The following TRIM2 variants were observed in gnomAD, a reference collection of about 807,000 sequenced individuals.
TRIM2 encodes the protein tripartite motif-containing protein 2.
TRIM2 carries 20 observed loss-of-function variants against 75.2 expected under a neutral mutation model. That is an observed-to-expected ratio of 0.27 (90% CI 0.19 to 0.39). The LOEUF (loss-of-function observed/expected upper bound fraction) is 0.39, where lower values mean the gene tolerates loss of function less well. Among genes scored for constraint, TRIM2 ranks in the 10% least tolerant of loss-of-function variants. The probability of loss-of-function intolerance (pLI) is 1.00; values close to 1 mark genes in which losing one functional copy is unlikely to be tolerated. For missense variants in TRIM2, 660 were observed against 990.8 expected (o/e 0.67, Z 4.48); for synonymous variants, 373 against 388.3 (o/e 0.96, Z 0.46).
intron 1 of TRIM2, among the ~76,000 whole-genome samples, chr4:153,189,071 G>A (rs530488810): frequency 1.6e-3 from 239 of 151,742 alleles, no homozygotes; most frequent in African/African-American, 5.4e-3. Flanking sequence ...GACTGTTCTC[G>A]AACTCCTGGG....
intron 1 of TRIM2, among the ~76,000 whole-genome samples, chr4:153,185,671 CA>C (rs1732526089): frequency 6.6e-6 from 1 of 152,174 alleles, no homozygotes; most frequent in African/African-American, 2.4e-5. Flanking sequence ...TCCACGTAAG[CA>C]GTAGGAACCC....
Position 153,295,209 on chromosome 4 carries a change from T to G in TRIM2, c.787-104T>G. The G allele has an allele frequency of 1.4e-6, 2 of 1,421,052 alleles. No homozygotes were observed. The highest frequency in any genetic ancestry group is 1.9e-6 in the Non-Finnish European group (2 of 1,079,130). The allele number at this position is 1,421,052 out of a possible 1,614,324, so 88.0% of individuals were successfully genotyped here. A position where few individuals can be genotyped will look rare whatever the true frequency, so the allele number is the denominator to read the frequency against. The stretch of plus-strand genomic sequence containing the variant: ...CAAACACCGCTTGCTCAGAGCCACC[T>G]GCGTGGGCAGGTGTAGAGTCTCCTT... On this transcript the variant is annotated intron_variant, in intron 5 of 11. Coordinates refer to ENST00000338700, the MANE Select transcript of TRIM2 (RefSeq NM_015271.5). This position sits in a 1 kb window ranked among gnomAD's most constrained non-coding sequence, Gnocchi z 7.2.
intron 1 of TRIM2, among the ~76,000 whole-genome samples, chr4:153,177,282 T>C (rs1731541714): frequency 1.3e-5 from 2 of 152,172 alleles, no homozygotes; most frequent in South Asian, 4.1e-4. Context: ...TTGGCAAAAA[T>C]ATAGTCTCAT....
At chr4:153,278,028 G>A (rs767038547) in intron 3 of TRIM2, among the ~76,000 whole-genome samples, 1 of 152,166 alleles carries the variant, frequency 6.6e-6, no homozygotes, top group African/African-American at 2.4e-5. Flanking sequence ...CTTAAAATGA[G>A]GCTCTCTGGA....
At chr4:153,206,207 A>T (rs1735389283) in intron 1 of TRIM2, among the ~76,000 whole-genome samples, 1 of 152,226 alleles carries the variant, frequency 6.6e-6, no homozygotes, top group South Asian at 2.1e-4. Flanking sequence ...CAGTCCTACC[A>T]GGCTGCCCCG....
At chr4:153,312,193 CT>C (rs2150226193) in intron 6 of TRIM2, among the ~76,000 whole-genome samples, 1 of 150,910 alleles carries the variant, frequency 6.6e-6, no homozygotes, top group African/African-American at 2.4e-5. Context: ...CGATAGTTTA[CT>C]GAGAATGATG....
At chr4:153,255,632 G>T (rs951605165) in intron 1 of TRIM2, among the ~76,000 whole-genome samples, 6 of 152,020 alleles carry the variant, frequency 3.9e-5, no homozygotes, top group Non-Finnish European at 8.8e-5. Context: ...ACATACGTCC[G>T]CACAAAACCT....
At chr4:153,273,277 T>A in intron 2 of TRIM2, among the ~76,000 whole-genome samples, 1 of 94,512 alleles carries the variant, frequency 1.1e-5, no homozygotes, top group African/African-American at 3.6e-5. Flanking sequence ...ACTCTTTTTT[T>A]TTTTTTTTTT....
chr4:153,293,179 G>T (rs1221297261), intron 4 of TRIM2, 46 bp downstream of exon 4: 1 of 1,561,962 alleles, frequency 6.4e-7, no homozygotes, highest in African/African-American at 1.3e-5. Context: ...CTGTACTTGA[G>T]GCCTGGCCTC....
rs1335793217 is a variant in TRIM2 at position 153,260,665 on chromosome 4, AAC to A, written c.31-9661_31-9660del. Among the ~76,000 whole-genome samples the A allele has an allele frequency of 9.2e-5, 12 of 130,498 alleles. 2 individuals are homozygous for A. The highest frequency in any genetic ancestry group is 6.9e-4 in the Admixed American group (9 of 13,008). 85.6% of individuals were successfully genotyped at this position (130,498 alleles called of 152,430 possible). On this transcript the variant is annotated intron_variant, in intron 1 of 11. Coordinates refer to ENST00000338700, the MANE Select transcript of TRIM2 (RefSeq NM_015271.5). ...TGGCTTCTGAATGCCTTCCCCCCAA[AAC>A]ACACACACCCACCCACACACCCACC...
chr4:153,159,106 G>T (rs1225197370), intron 1 of TRIM2, among the ~76,000 whole-genome samples: 1 of 152,178 alleles, frequency 6.6e-6, no homozygotes, highest in Non-Finnish European at 1.5e-5. Context: ...ATTGCATACA[G>T]ATGATTAGTC....
intron 2 of TRIM2, among the ~76,000 whole-genome samples, chr4:153,271,816 G>A (rs897646732): frequency 3.9e-5 from 6 of 152,142 alleles, no homozygotes; most frequent in African/African-American, 7.2e-5. Flanking sequence ...TGCAGCAGTC[G>A]GCATAGCTTG....
At chr4:153,255,536 G>A (rs1234505788) in intron 1 of TRIM2, among the ~76,000 whole-genome samples, 1 of 152,186 alleles carries the variant, frequency 6.6e-6, no homozygotes, top group Non-Finnish European at 1.5e-5. Flanking sequence ...CTGATGGCCT[G>A]TCTTAGGCTT....
At chr4:153,302,724 AC>A (rs1267250834) in intron 6 of TRIM2, among the ~76,000 whole-genome samples, 2 of 152,230 alleles carry the variant, frequency 1.3e-5, no homozygotes, top group Non-Finnish European at 2.9e-5. Context: ...GCTCTCACAC[AC>A]CTTTGTGCAT....
chr4:153,188,334 C>T (rs1732828816), intron 1 of TRIM2, among the ~76,000 whole-genome samples: 1 of 152,128 alleles, frequency 6.6e-6, no homozygotes, highest in African/African-American at 2.4e-5. Context: ...GTGGCGCACA[C>T]CTGTAGTCCC....
intron 1 of TRIM2, among the ~76,000 whole-genome samples, chr4:153,176,189 T>C (rs913165136): frequency 6.6e-6 from 1 of 152,152 alleles, no homozygotes; most frequent in African/African-American, 2.4e-5. Flanking sequence ...CACAGTGGCT[T>C]CCACCTATAA....
At chr4:153,179,971 C>T (rs1731882265) in intron 1 of TRIM2, among the ~76,000 whole-genome samples, 1 of 152,132 alleles carries the variant, frequency 6.6e-6, no homozygotes, top group Non-Finnish European at 1.5e-5. Context: ...CATTGGAGGC[C>T]TGGAGTTTTC....
rs1203752315 is a variant in TRIM2 at position 153,177,440 on chromosome 4, G to A, written c.-49+24170G>A. 3.3e-5 allele frequency among the ~76,000 whole-genome samples: 5 copies of A among 152,218 alleles called. No individual in the cohort carries two copies. The South Asian group carries it at 8.3e-4, about 25-fold the overall frequency. On this transcript the variant is annotated intron_variant, in intron 1 of 11. Transcript: ENST00000437508. ...GGAGGCCAAGGTGGGTGGATCAGGA[G>A]TTTGAGACCAGCCTGGCCAACATGG...
chr4:153,216,659 A>G (rs954117175), intron 1 of TRIM2, among the ~76,000 whole-genome samples: 2 of 152,222 alleles, frequency 1.3e-5, no homozygotes. Flanking sequence ...TATAGACAAT[A>G]GAAATTTATT....
Sources: gnomAD v4.1 joint callset for allele counts (sites outside exome capture counted in the v4.1 genomes callset) on GRCh38, gnomAD v4.1.1 for gene constraint, Gnocchi (gnomAD v3.1) non-coding constraint, MANE v1.5 for transcripts, NCBI Gene and HGNC (gene_info 2026-07-23, HGNC 2026-07-21) for gene names.